The following FTCDNL1 variants were observed in gnomAD, a reference collection of about 807,000 sequenced individuals.
FTCDNL1 encodes formiminotransferase N-terminal subdomain-containing protein.
A neutral mutation model predicts 5.9 loss-of-function variants in FTCDNL1; 11 were observed. The observed-to-expected ratio is 1.87, with a 90% CI of 1.18 to 3.10. The LOEUF (loss-of-function observed/expected upper bound fraction) is 3.10, where lower values mean the gene tolerates loss of function less well. Ranked by LOEUF, FTCDNL1 falls within the 30% of genes most tolerant of loss-of-function variation. The probability of loss-of-function intolerance (pLI) is 0.00; values close to 1 mark genes in which losing one functional copy is unlikely to be tolerated. For missense variants in FTCDNL1, 115 were observed against 65.5 expected (o/e 1.76, Z -2.61); for synonymous variants, 58 against 24.8 (o/e 2.34, Z -3.99).
intron 4 of FTCDNL1, among the ~76,000 whole-genome samples, chr2:199,814,564 A>T (rs1701236871): frequency 1.3e-5 from 2 of 152,228 alleles, no homozygotes; most frequent in African/African-American, 2.4e-5. Flanking sequence ...CAGTCCAGAT[A>T]AGAGGGAAAC....
chr2:199,805,355 T>A (rs957477731), downstream of FTCDNL1, among the ~76,000 whole-genome samples: 2 of 152,102 alleles, frequency 1.3e-5, no homozygotes, highest in African/African-American at 2.4e-5. Context: ...ATCCCAGAAC[T>A]TTGGGAGGCC....
the FTCDNL1 span, among the ~76,000 whole-genome samples, chr2:199,739,082 A>G: frequency 5.9e-5 from 9 of 152,386 alleles, no homozygotes; most frequent in South Asian, 1.9e-3. Context: ...AAATTCTTCA[A>G]GAACCTGGAA....
At chr2:199,776,202 A>C (rs1699062359) in intron 3 of FTCDNL1, among the ~76,000 whole-genome samples, 1 of 152,184 alleles carries the variant, frequency 6.6e-6, no homozygotes, top group Non-Finnish European at 1.5e-5. Flanking sequence ...GCCTCTTGGA[A>C]TCCTGAGATA....
At chr2:199,785,828 T>G (rs534929189) in intron 3 of FTCDNL1, among the ~76,000 whole-genome samples, 21 of 152,190 alleles carry the variant, frequency 1.4e-4, no homozygotes, top group African/African-American at 5.1e-4. Flanking sequence ...AACAGAACAA[T>G]GATGTCCTAA....
In FTCDNL1 at chr2:199,819,392, G is replaced by A. The variant is rs919025877; in HGVS notation, c.397+180C>T. 8.5e-6 allele frequency: 5 copies of A among 589,958 alleles called. No individual in the cohort carries two copies. In the South Asian group the frequency reaches 1.1e-4, roughly 13 times the overall value. The allele number at this position is 589,958 out of a possible 1,614,324, so 36.5% of individuals were successfully genotyped here. A position where few individuals can be genotyped will look rare whatever the true frequency, so the allele number is the denominator to read the frequency against. On this transcript the variant is annotated intron_variant, in intron 4 of 4. Transcript: ENST00000420128. ...TCAAATACTTGACGGGAGCTTCTAG[G>A]CTCACAGGTTAGCTTAAAAGGGCCT...
At chr2:199,823,002 C>CA (rs1701792509) in intron 3 of FTCDNL1, among the ~76,000 whole-genome samples, 1 of 152,052 alleles carries the variant, frequency 6.6e-6, no homozygotes, top group African/African-American at 2.4e-5. Context: ...AGGTGTGTTC[C>CA]ACCACTCCTA....
At chr2:199,771,824 C>A (rs1387344436) in intron 3 of FTCDNL1, among the ~76,000 whole-genome samples, 3 of 152,168 alleles carry the variant, frequency 2.0e-5, no homozygotes, top group Non-Finnish European at 4.4e-5. Flanking sequence ...TTAGAATATA[C>A]TACTTCCCCC....
intron 2 of FTCDNL1, among the ~76,000 whole-genome samples, chr2:199,847,177 T>G (rs1247305850): frequency 1.3e-5 from 2 of 152,250 alleles, no homozygotes; most frequent in Middle Eastern, 3.4e-3. Context: ...CTAAGACCTT[T>G]CTAGGCCATT....
chr2:199,713,648 C>T, the FTCDNL1 span, among the ~76,000 whole-genome samples: 2 of 151,922 alleles, frequency 1.3e-5, no homozygotes, highest in East Asian at 3.9e-4. Flanking sequence ...GTTAGTGTGC[C>T]GTGTTAGTCT....
chr2:199,836,189 G>A (rs543191124), intron 3 of FTCDNL1, among the ~76,000 whole-genome samples: 6 of 152,198 alleles, frequency 3.9e-5, no homozygotes, highest in Non-Finnish European at 8.8e-5. Context: ...GTTTGAGATA[G>A]GGTCTCGCTC....
At chr2:199,744,445 C>CAGAG in the FTCDNL1 span, among the ~76,000 whole-genome samples, 1 of 151,250 alleles carries the variant, frequency 6.6e-6, no homozygotes, top group Non-Finnish European at 1.5e-5. Context: ...CACACACACA[C>CAGAG]AGAGAGAGAG....
intron 3 of FTCDNL1, among the ~76,000 whole-genome samples, chr2:199,768,340 G>C (rs1194083248): frequency 2.6e-5 from 4 of 151,974 alleles, no homozygotes; most frequent in Non-Finnish European, 5.9e-5. Flanking sequence ...TCCCCCGTGA[G>C]TTATTACTAG....
the FTCDNL1 span, among the ~76,000 whole-genome samples, chr2:199,702,214 G>A: frequency 1.8e-3 from 277 of 152,178 alleles, 2 homozygotes; most frequent in African/African-American, 6.3e-3. Context: ...GAAATAATCT[G>A]TACATCAAAC....
the FTCDNL1 span, among the ~76,000 whole-genome samples, chr2:199,751,071 AGACTG>A: frequency 6.6e-6 from 1 of 152,146 alleles, no homozygotes; most frequent in South Asian, 2.1e-4. Flanking sequence ...TGCGGACCTG[AGACTG>A]GATTATATTC....
At chr2:199,832,595 A>C (rs1257149072) in intron 3 of FTCDNL1, among the ~76,000 whole-genome samples, 1 of 152,150 alleles carries the variant, frequency 6.6e-6, no homozygotes, top group Non-Finnish European at 1.5e-5. Context: ...TGCTCAAGTG[A>C]TTTTCTAACA....
the FTCDNL1 span, among the ~76,000 whole-genome samples, chr2:199,694,117 C>T: frequency 6.6e-6 from 1 of 152,142 alleles, no homozygotes; most frequent in Non-Finnish European, 1.5e-5. Flanking sequence ...TAAAATTACA[C>T]TAAGAATGCA....
the FTCDNL1 span, among the ~76,000 whole-genome samples, chr2:199,735,764 CTT>C: frequency 6.6e-6 from 1 of 152,146 alleles, no homozygotes; most frequent in African/African-American, 2.4e-5. Context: ...AGGCAGTGCT[CTT>C]GTCTGCCATA....
At chr2:199,716,033 T>TAAAAAA in the FTCDNL1 span, among the ~76,000 whole-genome samples, 1 of 108,964 alleles carries the variant, frequency 9.2e-6, no homozygotes, top group African/African-American at 3.9e-5. Context: ...TGCCTCTAGT[T>TAAAAAA]AAAAAAAAAA....
In FTCDNL1 at chr2:199,847,708, A is replaced by T. The variant is rs528463783; in HGVS notation, c.115+1140T>A. ...GTGAGTTGAGACCCAGGCATCCATC[A>T]GTGTGTGTCTTCCACAAATGTCTCT... On this transcript the variant is annotated intron_variant, in intron 2 of 4. Coordinates refer to ENST00000420128, the MANE Select transcript of FTCDNL1 (RefSeq NM_001363886.2). 3.9e-4 allele frequency among the ~76,000 whole-genome samples: 60 copies of T among 152,324 alleles called. No individual in the cohort carries two copies. The Middle Eastern group carries it at 0.01, about 26-fold the overall frequency.
Sources: allele counts gnomAD v4.1 joint callset (sites outside exome capture counted in the v4.1 genomes callset), GRCh38; gene constraint gnomAD v4.1.1; transcripts MANE v1.5; gene names NCBI Gene and HGNC (gene_info 2026-07-23, HGNC 2026-07-21).